Variants in SPRED1 observed in about 807,000 individuals in gnomAD.
SPRED1 encodes sprouty related EVH1 domain containing 1.
SPRED1 carries 18 observed loss-of-function variants against 52.3 expected under a neutral mutation model. That is an observed-to-expected ratio of 0.34 (90% CI 0.24 to 0.51). The LOEUF (loss-of-function observed/expected upper bound fraction) is 0.51, where lower values mean the gene tolerates loss of function less well. Ranked by LOEUF, SPRED1 falls within the 20% of genes least tolerant of loss-of-function variation. The probability of loss-of-function intolerance (pLI) is 0.97; values close to 1 mark genes in which losing one functional copy is unlikely to be tolerated. For missense variants in SPRED1, 485 were observed against 551.0 expected (o/e 0.88, Z 1.20); for synonymous variants, 155 against 179.7 (o/e 0.86, Z 1.10).
At chr15:38,350,749 G>A (rs545442828) in intron 6 of SPRED1, among the ~76,000 whole-genome samples, 2 of 152,266 alleles carry the variant, frequency 1.3e-5, no homozygotes, top group African/African-American at 4.8e-5. Context: ...GCACCCTGCT[G>A]GCAGAATTTC....
At chr15:38,334,737 TA>T (rs1382076084) in intron 4 of SPRED1, among the ~76,000 whole-genome samples, 2 of 152,022 alleles carry the variant, frequency 1.3e-5, no homozygotes, top group Non-Finnish European at 2.9e-5. Flanking sequence ...GGTAGAGCCA[TA>T]AGATATTTTG....
chr15:38,257,189 C>T (rs960645015), intron 1 of SPRED1, among the ~76,000 whole-genome samples: 2 of 152,142 alleles, frequency 1.3e-5, no homozygotes, highest in East Asian at 1.9e-4. Context: ...CTCTGTACTT[C>T]GTACATATGT....
chr15:38,287,711 C>CA (rs1392779860), intron 1 of SPRED1, among the ~76,000 whole-genome samples: 1 of 152,154 alleles, frequency 6.6e-6, no homozygotes, highest in Non-Finnish European at 1.5e-5. Context: ...AACAATACAG[C>CA]ATACCACTGT....
intron 1 of SPRED1, among the ~76,000 whole-genome samples, chr15:38,276,379 C>T (rs1330951157): frequency 6.6e-6 from 1 of 152,036 alleles, no homozygotes; most frequent in Non-Finnish European, 1.5e-5. Flanking sequence ...CATTTGTTTA[C>T]ATGTACCTCC....
chr15:38,283,389 G>C, intron 1 of SPRED1: 1 of 389,352 alleles, frequency 2.6e-6, no homozygotes, highest in East Asian at 1.6e-4. Context: ...CACAGAGCCA[G>C]ACCATGTCTT....
chr15:38,335,118 T>G (rs1289046707), intron 4 of SPRED1, among the ~76,000 whole-genome samples: 3 of 152,048 alleles, frequency 2.0e-5, no homozygotes, highest in African/African-American at 7.2e-5. Context: ...AAAATAAAAT[T>G]GGGCTTTATC....
intron 4 of SPRED1, among the ~76,000 whole-genome samples, chr15:38,333,596 A>G (rs189589104): frequency 3.9e-5 from 6 of 152,286 alleles, no homozygotes; most frequent in Admixed American, 2.0e-4. Context: ...GCAGAAATAC[A>G]TATAAGAGTG....
chr15:38,254,908 C>T (rs940819903), intron 1 of SPRED1, among the ~76,000 whole-genome samples: 3 of 152,166 alleles, frequency 2.0e-5, no homozygotes, highest in Admixed American at 6.5e-5. Flanking sequence ...ATGACGGTAA[C>T]TTTTATTGGT....
chr15:38,278,866 C>T (rs1293785753), intron 1 of SPRED1, among the ~76,000 whole-genome samples: 2 of 136,566 alleles, frequency 1.5e-5, no homozygotes, highest in African/African-American at 5.4e-5. Flanking sequence ...CTCACTCTGT[C>T]GCCTAGGCTG....
chr15:38,317,032 T>C (rs1895502501), intron 2 of SPRED1, among the ~76,000 whole-genome samples: 1 of 151,786 alleles, frequency 6.6e-6, no homozygotes, highest in Non-Finnish European at 1.5e-5. Flanking sequence ...TAATATAAAC[T>C]ATATTTTGAG....
intron 1 of SPRED1, among the ~76,000 whole-genome samples, chr15:38,267,062 T>G (rs1363839478): frequency 6.6e-6 from 1 of 152,168 alleles, no homozygotes; most frequent in Non-Finnish European, 1.5e-5. Flanking sequence ...AGGAAAACAA[T>G]GAGCAATAAT....
At chr15:38,294,583 G>T (rs1390796778) in intron 1 of SPRED1, among the ~76,000 whole-genome samples, 1 of 152,120 alleles carries the variant, frequency 6.6e-6, no homozygotes, top group African/African-American at 2.4e-5. Context: ...TAATATCAAG[G>T]TATTTCTTGG....
intron 6 of SPRED1, 43 bp from the exon 7 acceptor site, chr15:38,350,971 C>A: frequency 6.3e-7 from 1 of 1,580,558 alleles, no homozygotes. Flanking sequence ...GTAAAATTAA[C>A]CATCATAGCC....
chr15:38,351,373 T>C lies in SPRED1; in HGVS notation c.1044T>C (p.Val348=), dbSNP rs3751526. 0.88 allele frequency: 1,422,966 copies of C among 1,613,954 alleles called. 630,003 individuals are homozygous for C. The highest frequency in any genetic ancestry group is 0.9 in the Non-Finnish European group (1,060,633 of 1,180,002). Residue 348 remains valine (V), a synonymous_variant, in exon 7 of 7, where the codon GTT becomes GTC. Coordinates refer to ENST00000299084, the MANE Select transcript of SPRED1 (RefSeq NM_152594.3). ...AAAGGTTTAATCATGAAGAAAATGT[T>C]AGGGGAAAATGTCAGGATGCTCCAG... is the stretch of plus-strand genomic sequence containing the variant. ...CQERFNHEEN[V]RGKCQDAPDP...
At chr15:38,254,902 C>G (rs553853768) in intron 1 of SPRED1, among the ~76,000 whole-genome samples, 2 of 152,262 alleles carry the variant, frequency 1.3e-5, no homozygotes, top group Admixed American at 1.3e-4. Context: ...AACCGAATGA[C>G]GGTAACTTTT....
At chr15:38,270,703 C>T (rs914534382) in intron 1 of SPRED1, among the ~76,000 whole-genome samples, 5 of 152,106 alleles carry the variant, frequency 3.3e-5, no homozygotes, top group Non-Finnish European at 5.9e-5. Flanking sequence ...ACATACTCGA[C>T]CTGAGATTTC....
At chr15:38,261,831 T>TA (rs1445371302) in intron 1 of SPRED1, among the ~76,000 whole-genome samples, 3 of 152,240 alleles carry the variant, frequency 2.0e-5, no homozygotes, top group Admixed American at 2.0e-4. Context: ...CATTCACAAA[T>TA]ACAGTGTTTT....
chr15:38,275,227 A>G (rs1894524739), intron 1 of SPRED1, among the ~76,000 whole-genome samples: 2 of 152,120 alleles, frequency 1.3e-5, no homozygotes, highest in African/African-American at 4.8e-5. Flanking sequence ...CATCACTGTC[A>G]TCATTTTTAT....
At chr15:38,322,513 C>T in intron 3 of SPRED1, 104 bp downstream of exon 3, 1 of 1,196,688 alleles carries the variant, frequency 8.4e-7, no homozygotes, top group Non-Finnish European at 1.2e-6. Context: ...TTAACCATGT[C>T]AGCTTTTGTG....
Sources: allele counts gnomAD v4.1 joint callset (sites outside exome capture counted in the v4.1 genomes callset), GRCh38; gene constraint gnomAD v4.1.1; transcripts MANE v1.5; gene names NCBI Gene and HGNC (gene_info 2026-07-23, HGNC 2026-07-21).